The following FER variants were observed in gnomAD, a reference collection of about 807,000 sequenced individuals.
The protein encoded by FER is tyrosine-protein kinase Fer.
FER carries 63 observed loss-of-function variants against 111.0 expected under a neutral mutation model. The ratio of observed to expected loss-of-function variants is 0.57; its 90% CI spans 0.46 to 0.70. The LOEUF is 0.70. Ranked by LOEUF, FER falls within the 30% of genes least tolerant of loss-of-function variation. The pLI, the probability that FER is intolerant of heterozygous loss-of-function variation, is 0.00. For missense variants in FER, 914 were observed against 954.0 expected (o/e 0.96, Z 0.55); for synonymous variants, 327 against 313.9 (o/e 1.04, Z -0.44).
intron 2 of FER, chr5:108,785,123 G>T: frequency 1.9e-6 from 1 of 527,282 alleles, no homozygotes; most frequent in Admixed American, 2.8e-5. Flanking sequence ...GGACAAGCTG[G>T]TCAAGGTATG....
At chr5:108,948,877 T>C (rs1239299422) in intron 11 of FER, among the ~76,000 whole-genome samples, 1 of 152,042 alleles carries the variant, frequency 6.6e-6, no homozygotes, top group Non-Finnish European at 1.5e-5. Context: ...AAAACAAAAA[T>C]AAAGCACATT....
intron 13 of FER, among the ~76,000 whole-genome samples, chr5:108,978,034 A>G (rs948254625): frequency 2.0e-5 from 3 of 152,078 alleles, no homozygotes; most frequent in African/African-American, 7.2e-5. Context: ...TTTAGTAGAG[A>G]TGGGGTTTCA....
rs533759652 is a variant in FER at position 109,099,511 on chromosome 5, A to G, written c.1925-885A>G. On this transcript the variant is annotated intron_variant, in intron 16 of 19. Coordinates refer to ENST00000281092, the MANE Select transcript of FER (RefSeq NM_005246.4). ...ATCAGATATTTCAGATGAAATTTAC[A>G]TCTAAATTGAGATGTATCATAAATG... 2.5e-4 allele frequency among the ~76,000 whole-genome samples: 38 copies of G among 151,676 alleles called. No homozygotes were observed. In the South Asian group the frequency reaches 6.0e-3, roughly 24 times the overall value.
intron 13 of FER, among the ~76,000 whole-genome samples, chr5:108,990,000 T>A (rs1290674065): frequency 1.3e-5 from 2 of 151,956 alleles, no homozygotes; most frequent in Non-Finnish European, 2.9e-5. Flanking sequence ...GTCCCCCTAG[T>A]GCCTTGTACT....
At chr5:108,845,030 ATATATATATAC>A (rs1761829719) in intron 5 of FER, among the ~76,000 whole-genome samples, 1 of 56,166 alleles carries the variant, frequency 1.8e-5, no homozygotes, top group Non-Finnish European at 3.5e-5. Flanking sequence ...ATATATATAT[ATATATATATAC>A]ATATATATAT....
intron 1 of FER, among the ~76,000 whole-genome samples, chr5:108,754,074 T>G (rs976503758): frequency 2.0e-5 from 3 of 152,092 alleles, no homozygotes; most frequent in Non-Finnish European, 4.4e-5. Flanking sequence ...TCATTATGGG[T>G]ATAAACTTGA....
chr5:108,911,263 T>G (rs1561602315), intron 10 of FER, among the ~76,000 whole-genome samples: 2 of 152,214 alleles, frequency 1.3e-5, no homozygotes, highest in African/African-American at 4.8e-5. Flanking sequence ...GTCATGTGTA[T>G]GTCTTCTTTT....
At chr5:108,870,772 G>A (rs1764526111) in intron 6 of FER, among the ~76,000 whole-genome samples, 1 of 152,076 alleles carries the variant, frequency 6.6e-6, no homozygotes, top group Non-Finnish European at 1.5e-5. Context: ...TAGGAAGCTG[G>A]TCTCTGCGAC....
intron 8 of FER, among the ~76,000 whole-genome samples, chr5:108,878,124 C>T (rs530180874): frequency 3.3e-5 from 5 of 152,154 alleles, no homozygotes; most frequent in Non-Finnish European, 7.4e-5. Flanking sequence ...CCAGGCTGGT[C>T]TCGAACTCCT....
intron 10 of FER, among the ~76,000 whole-genome samples, chr5:108,899,938 C>T (rs527410991): frequency 1.1e-4 from 17 of 152,200 alleles, no homozygotes; most frequent in East Asian, 1.9e-4. Flanking sequence ...AATTGCCTTC[C>T]GGCACCTTCA....
chr5:108,776,657 T>A (rs1447730712), intron 2 of FER, among the ~76,000 whole-genome samples: 3 of 152,188 alleles, frequency 2.0e-5, no homozygotes, highest in African/African-American at 7.2e-5. Context: ...GTTTAAAAAC[T>A]GTGTATTTAT....
At chr5:108,997,917 T>C (rs1764209885) in intron 13 of FER, among the ~76,000 whole-genome samples, 1 of 152,130 alleles carries the variant, frequency 6.6e-6, no homozygotes, top group South Asian at 2.1e-4. Flanking sequence ...AAATTCCCTG[T>C]GGCTTTGTTT....
intron 2 of FER, among the ~76,000 whole-genome samples, chr5:108,779,683 G>A (rs564636887): frequency 7.9e-4 from 121 of 152,248 alleles, no homozygotes; most frequent in African/African-American, 2.7e-3. Context: ...CAAGGAGTTC[G>A]TTGGGTCAAT....
At chr5:109,018,793 G>C (rs1207408117) in intron 13 of FER, among the ~76,000 whole-genome samples, 1 of 151,606 alleles carries the variant, frequency 6.6e-6, no homozygotes, top group East Asian at 1.9e-4. Context: ...CTTTAGAAGG[G>C]ACTTAAGTAG....
At chr5:108,967,973 C>T (rs755157178) in intron 13 of FER, among the ~76,000 whole-genome samples, 6 of 152,064 alleles carry the variant, frequency 3.9e-5, no homozygotes, top group South Asian at 2.1e-4. Context: ...TCTGCCTAGG[C>T]GTTTGTCTGC....
chr5:108,787,319 A>AG (rs1754851589), intron 2 of FER, among the ~76,000 whole-genome samples: 1 of 152,072 alleles, frequency 6.6e-6, no homozygotes, highest in African/African-American at 2.4e-5. Flanking sequence ...CAAGCGTAGG[A>AG]GGGGGGCCGC....
chr5:108,844,429 G>T lies in FER; in HGVS notation c.481+8622G>T, dbSNP rs573229180. 2.6e-5 allele frequency among the ~76,000 whole-genome samples: 4 copies of T among 152,168 alleles called. No individual in the cohort carries two copies. In the South Asian group the frequency reaches 8.3e-4, roughly 32 times the overall value. ...GTCCAAATAAAGGTTTATATATTGT[G>T]TTTAATTGCCATGTAGAAGAATTGC... is the stretch of plus-strand genomic sequence containing the variant. On this transcript the variant is annotated intron_variant, in intron 5 of 19. Transcript: ENST00000281092.
chr5:108,865,299 A>C (rs1361359310), intron 5 of FER, among the ~76,000 whole-genome samples: 1 of 152,194 alleles, frequency 6.6e-6, no homozygotes, highest in Non-Finnish European at 1.5e-5. Flanking sequence ...GTCATCTGCA[A>C]ACAGGGACAA....
intron 5 of FER, among the ~76,000 whole-genome samples, chr5:108,867,406 A>G (rs971157211): frequency 1.3e-5 from 2 of 152,058 alleles, no homozygotes; most frequent in African/African-American, 4.8e-5. Flanking sequence ...AAAATTTAAC[A>G]TTATTTACAA....
Sources: gnomAD v4.1 joint callset for allele counts (sites outside exome capture counted in the v4.1 genomes callset) on GRCh38, gnomAD v4.1.1 for gene constraint, MANE v1.5 for transcripts, NCBI Gene and HGNC (gene_info 2026-07-23, HGNC 2026-07-21) for gene names.